Variants in CADPS observed in about 807,000 individuals in gnomAD.
CADPS encodes the protein calcium dependent secretion activator.
CADPS carries 57 observed loss-of-function variants against 167.3 expected under a neutral mutation model. That is an observed-to-expected ratio of 0.34 (90% CI 0.28 to 0.42). CADPS has a LOEUF of 0.42. Among genes scored for constraint, CADPS ranks in the 20% least tolerant of loss-of-function variants. The pLI, the probability that CADPS is intolerant of heterozygous loss-of-function variation, is 1.00. For missense variants in CADPS, 1,414 were observed against 1,738.1 expected, an observed-to-expected ratio of 0.81 and a Z score of 3.32; for synonymous variants, 676 against 635.3, an observed-to-expected ratio of 1.06 and a Z score of -0.96.
At chr3:62,865,088 A>G (rs1253270749) in intron 1 of CADPS, among the ~76,000 whole-genome samples, 1 of 152,198 alleles carries the variant, frequency 6.6e-6, no homozygotes, top group Non-Finnish European at 1.5e-5. Flanking sequence ...CTTATAGACA[A>G]CAGTTGCTAT....
intron 3 of CADPS, among the ~76,000 whole-genome samples, chr3:62,730,718 T>C (rs934106120): frequency 1.3e-5 from 2 of 152,178 alleles, no homozygotes; most frequent in African/African-American, 4.8e-5. Flanking sequence ...GAAGTCTCTT[T>C]CTGTTCTTCC....
chr3:62,399,589 A>C lies in CADPS; in HGVS notation c.3883-4T>G. The C allele has an allele frequency of 6.2e-7, 1 of 1,612,498 alleles. No homozygotes were observed. The highest frequency in any genetic ancestry group is 8.5e-7 in the Non-Finnish European group (1 of 1,178,922). On this transcript the variant is annotated splice_polypyrimidine_tract_variant and splice_region_variant and intron_variant, in intron 29 of 29. Coordinates refer to ENST00000383710, the MANE Select transcript of CADPS (RefSeq NM_003716.4). This position sits in a 1 kb window ranked among gnomAD's most constrained non-coding sequence, Gnocchi z 5.6. Reference sequence around the variant, plus strand: ...ATCGGAAATCTCTGTAGGTTTTCTAAGGAAGGAAAAGATACAGTGATAAGA... The same window carrying C: ...ATCGGAAATCTCTGTAGGTTTTCTACGGAAGGAAAAGATACAGTGATAAGA...
intron 11 of CADPS, among the ~76,000 whole-genome samples, chr3:62,543,500 TATG>T (rs1473228618): frequency 6.6e-6 from 1 of 152,160 alleles, no homozygotes; most frequent in Non-Finnish European, 1.5e-5. Flanking sequence ...GTTTACATTC[TATG>T]ATAAGCCTTT....
intron 2 of CADPS, among the ~76,000 whole-genome samples, chr3:62,756,715 G>A (rs2084007708): frequency 6.6e-6 from 1 of 152,200 alleles, no homozygotes; most frequent in Admixed American, 6.5e-5. Flanking sequence ...TTGAGATGAT[G>A]CATGAAAGAT....
At chr3:62,615,649 G>A (rs1240380541) in intron 6 of CADPS, among the ~76,000 whole-genome samples, 1 of 152,098 alleles carries the variant, frequency 6.6e-6, no homozygotes, top group Non-Finnish European at 1.5e-5. Context: ...GGCTAACAGT[G>A]ACTGTCTCAC....
intron 3 of CADPS, among the ~76,000 whole-genome samples, chr3:62,692,158 A>G (rs2079259757): frequency 1.3e-5 from 2 of 151,904 alleles, no homozygotes; most frequent in South Asian, 4.1e-4. Context: ...ACTGCCTTGG[A>G]GTTTGTTTAA....
Position 62,690,972 on chromosome 3 carries a change from C to A in CADPS, c.889-28578G>T, listed in dbSNP as rs556528095. 9.2e-5 allele frequency among the ~76,000 whole-genome samples: 14 copies of A among 152,090 alleles called. No individual in the cohort carries two copies. In the East Asian group the frequency reaches 2.7e-3, roughly 30 times the overall value. On this transcript the variant is annotated intron_variant, in intron 3 of 29. Coordinates refer to ENST00000383710, the MANE Select transcript of CADPS (RefSeq NM_003716.4). ...ATGGACAAACTGTGGTACATTTAGA[C>A]AATAGAATATTATTCAGCATGAAAA...
intron 3 of CADPS, among the ~76,000 whole-genome samples, chr3:62,666,541 G>T (rs1277593069): frequency 6.6e-6 from 1 of 152,110 alleles, no homozygotes; most frequent in African/African-American, 2.4e-5. Flanking sequence ...GATCATTAGG[G>T]TTCAAAAATG....
chr3:62,822,308 C>T (rs1302598301), intron 1 of CADPS, among the ~76,000 whole-genome samples: 1 of 152,096 alleles, frequency 6.6e-6, no homozygotes, highest in Non-Finnish European at 1.5e-5. Context: ...TTTCACCTTC[C>T]CTCAAATGCC....
At chr3:62,844,977 G>T (rs1457253126) in intron 1 of CADPS, among the ~76,000 whole-genome samples, 1 of 152,198 alleles carries the variant, frequency 6.6e-6, no homozygotes, top group Non-Finnish European at 1.5e-5. Flanking sequence ...AGGAACCAAA[G>T]CTAGGCTGCT....
In CADPS at chr3:62,601,658, A is replaced by C. The variant is rs2059992865; in HGVS notation, c.1326-8910T>G. Among the ~76,000 whole-genome samples the C allele has an allele frequency of 6.6e-6, 1 of 152,218 alleles. No homozygotes were observed. ...ATAGCATTTCAGACACGTGGTGCCC[A>C]AATGCTGCTTCCTGATCCACTTGAG... On this transcript the variant is annotated intron_variant, in intron 6 of 29. Transcript: ENST00000383710. The surrounding 1 kb of genome is among the most constrained non-coding windows in gnomAD (Gnocchi z 4.3).
intron 3 of CADPS, among the ~76,000 whole-genome samples, chr3:62,723,714 G>A (rs1285601443): frequency 6.6e-6 from 1 of 152,194 alleles, no homozygotes; most frequent in Non-Finnish European, 1.5e-5. Flanking sequence ...GAGATGAAGT[G>A]GAACCCTTGC....
intron 27 of CADPS, chr3:62,439,863 T>C (rs1036723290): frequency 6.6e-6 from 1 of 152,186 alleles, no homozygotes; most frequent in African/African-American, 2.4e-5. Flanking sequence ...TTTGCACCAC[T>C]CCTTCTCTTT....
At chr3:62,417,615 C>T (rs747256827) in intron 28 of CADPS, among the ~76,000 whole-genome samples, 1 of 151,996 alleles carries the variant, frequency 6.6e-6, no homozygotes, top group African/African-American at 2.4e-5. Context: ...CATGAGCCAC[C>T]CATTAAATTC....
At chr3:62,540,161 T>C (rs2152086274) in intron 11 of CADPS, among the ~76,000 whole-genome samples, 1 of 152,278 alleles carries the variant, frequency 6.6e-6, no homozygotes, top group Middle Eastern at 3.4e-3. Flanking sequence ...TTATAGCTAA[T>C]GTTCTATTCC....
intron 1 of CADPS, among the ~76,000 whole-genome samples, chr3:62,840,830 A>C (rs1481494558): frequency 2.0e-5 from 3 of 152,194 alleles, no homozygotes; most frequent in Non-Finnish European, 2.9e-5. Context: ...AATTATTTGG[A>C]GAAATCCATT....
intron 1 of CADPS, among the ~76,000 whole-genome samples, chr3:62,769,843 C>A (rs2088086422): frequency 6.6e-6 from 1 of 152,070 alleles, no homozygotes; most frequent in Admixed American, 6.6e-5. Context: ...GCTGCATGAC[C>A]TTAGGCAACC....
intron 6 of CADPS, among the ~76,000 whole-genome samples, chr3:62,615,679 G>C (rs2062157549): frequency 6.6e-6 from 1 of 152,056 alleles, no homozygotes; most frequent in Admixed American, 6.6e-5. Flanking sequence ...GGAATATCAA[G>C]TACCCGATGG....
chr3:62,823,293 G>C (rs2073364008), intron 1 of CADPS, among the ~76,000 whole-genome samples: 1 of 152,206 alleles, frequency 6.6e-6, no homozygotes, highest in South Asian at 2.1e-4. Flanking sequence ...CTCCTTATAA[G>C]TACAAAATCC....
Sources: allele counts gnomAD v4.1 joint callset (sites outside exome capture counted in the v4.1 genomes callset), GRCh38; gene constraint gnomAD v4.1.1; non-coding constraint Gnocchi (gnomAD v3.1); transcripts MANE v1.5; gene names NCBI Gene and HGNC (gene_info 2026-07-23, HGNC 2026-07-21).